Variants in SLC25A21 observed in about 807,000 individuals in gnomAD.
SLC25A21 encodes the protein solute carrier family 25 member 21.
SLC25A21 carries 47 observed loss-of-function variants against 43.8 expected under a neutral mutation model. That is an observed-to-expected ratio of 1.07 (90% CI 0.85 to 1.37). SLC25A21 has a LOEUF of 1.37. SLC25A21 is among the 40% of genes most tolerant of loss of function. The pLI is 0.00. For missense variants in SLC25A21, 352 were observed against 350.2 expected, an observed-to-expected ratio of 1.00 and a Z score of -0.04; for synonymous variants, 131 against 121.3, an observed-to-expected ratio of 1.08 and a Z score of -0.52.
At chr14:37,078,962 G>A (rs911884048) in intron 1 of SLC25A21, among the ~76,000 whole-genome samples, 2 of 152,004 alleles carry the variant, frequency 1.3e-5, no homozygotes, top group Non-Finnish European at 2.9e-5. Context: ...AAGTAAGCTA[G>A]AAATCAGTTC....
chr14:36,903,265 C>T (rs147530660), intron 1 of SLC25A21, among the ~76,000 whole-genome samples: 5 of 152,256 alleles, frequency 3.3e-5, no homozygotes, highest in East Asian at 1.9e-4. Flanking sequence ...TTTCATAGCT[C>T]GCCCAAGCAT....
intron 3 of SLC25A21, among the ~76,000 whole-genome samples, chr14:36,788,205 T>TA (rs1457128516): frequency 6.6e-6 from 1 of 152,150 alleles, no homozygotes; most frequent in African/African-American, 2.4e-5. Context: ...AGTAACCTGA[T>TA]AGACGACAAA....
intron 1 of SLC25A21, among the ~76,000 whole-genome samples, chr14:36,891,472 C>T (rs1328312011): frequency 6.6e-6 from 1 of 152,090 alleles, no homozygotes; most frequent in African/African-American, 2.4e-5. Flanking sequence ...TCTATTATAA[C>T]TCTGATTTCT....
chr14:36,815,738 C>T (rs1888432071), intron 2 of SLC25A21, among the ~76,000 whole-genome samples: 2 of 152,034 alleles, frequency 1.3e-5, no homozygotes, highest in South Asian at 4.2e-4. Flanking sequence ...AGGTTTATAA[C>T]AAGTACTCTC....
intron 3 of SLC25A21, among the ~76,000 whole-genome samples, chr14:36,736,242 G>A (rs369414853): frequency 6.6e-6 from 1 of 151,974 alleles, no homozygotes; most frequent in Non-Finnish European, 1.5e-5. Context: ...GCCTGCCCAC[G>A]ATTTTTGACT....
intron 3 of SLC25A21, among the ~76,000 whole-genome samples, chr14:36,771,479 A>G (rs985923900): frequency 4.6e-5 from 7 of 152,104 alleles, no homozygotes; most frequent in Non-Finnish European, 8.8e-5. Flanking sequence ...CAATAGCTTG[A>G]GTGGCAATGA....
chr14:36,972,328 C>T (rs118111050), intron 1 of SLC25A21, among the ~76,000 whole-genome samples: 2 of 152,208 alleles, frequency 1.3e-5, no homozygotes, highest in Non-Finnish European at 2.9e-5. Flanking sequence ...CATCATTAAG[C>T]GATTCATGAC....
intron 1 of SLC25A21, among the ~76,000 whole-genome samples, chr14:37,008,539 A>C (rs1347829218): frequency 6.6e-6 from 1 of 152,154 alleles, no homozygotes; most frequent in African/African-American, 2.4e-5. Context: ...ATAAATATTC[A>C]ATTAACAATA....
chr14:36,682,859 A>G (rs1240151710), intron 9 of SLC25A21, among the ~76,000 whole-genome samples: 2 of 152,182 alleles, frequency 1.3e-5, no homozygotes, highest in Non-Finnish European at 2.9e-5. Context: ...TGAAAGTGTG[A>G]GCTGTTCACC....
At chr14:36,961,712 G>A (rs1431393348) in intron 1 of SLC25A21, among the ~76,000 whole-genome samples, 2 of 152,098 alleles carry the variant, frequency 1.3e-5, no homozygotes, top group Non-Finnish European at 2.9e-5. Flanking sequence ...GAAGAGCAAG[G>A]GAAATATAGG....
At chr14:37,062,714 C>G (rs17106164) in intron 1 of SLC25A21, among the ~76,000 whole-genome samples, 1 of 151,942 alleles carries the variant, frequency 6.6e-6, no homozygotes, top group African/African-American at 2.4e-5. Context: ...GGGAGTGACC[C>G]TTGGGAAATA....
intron 1 of SLC25A21, among the ~76,000 whole-genome samples, chr14:37,122,023 T>C (rs1373901936): frequency 6.6e-6 from 1 of 152,170 alleles, no homozygotes; most frequent in Non-Finnish European, 1.5e-5. Context: ...TATAACATTT[T>C]TATTTCTTGA....
chr14:36,848,561 T>C (rs1348358973), intron 2 of SLC25A21, among the ~76,000 whole-genome samples: 1 of 152,054 alleles, frequency 6.6e-6, no homozygotes, highest in African/African-American at 2.4e-5. Flanking sequence ...TTCCCCAAAA[T>C]GGAGTTTGGC....
At chr14:36,940,351 AT>A (rs780945839) in intron 1 of SLC25A21, among the ~76,000 whole-genome samples, 4 of 152,104 alleles carry the variant, frequency 2.6e-5, no homozygotes, top group Non-Finnish European at 4.4e-5. Context: ...ATTTAAAAAA[AT>A]ATACTACTCT....
intron 1 of SLC25A21, among the ~76,000 whole-genome samples, chr14:37,160,479 T>G (rs558310776): frequency 6.6e-6 from 1 of 152,188 alleles, no homozygotes; most frequent in South Asian, 2.1e-4. Flanking sequence ...AAAAGACAAA[T>G]ATTGCATGTT....
chr14:36,986,167 A>C (rs756571389), intron 1 of SLC25A21, among the ~76,000 whole-genome samples: 2 of 152,188 alleles, frequency 1.3e-5, no homozygotes, highest in African/African-American at 2.4e-5. Flanking sequence ...AAACATATGC[A>C]TCATATATAC....
intron 1 of SLC25A21, among the ~76,000 whole-genome samples, chr14:36,895,590 T>C (rs1363914704): frequency 1.3e-5 from 2 of 152,228 alleles, no homozygotes; most frequent in African/African-American, 4.8e-5. Context: ...AGCTTTTGAA[T>C]GTGTTTGCTC....
chr14:36,770,413 G>C (rs927052123), intron 3 of SLC25A21, among the ~76,000 whole-genome samples: 22 of 152,084 alleles, frequency 1.4e-4, no homozygotes, highest in African/African-American at 5.3e-4. Context: ...AAAACTGTTG[G>C]ATAATATGCT....
intron 2 of SLC25A21, among the ~76,000 whole-genome samples, chr14:36,823,671 T>C (rs968270155): frequency 9.9e-5 from 15 of 152,152 alleles, no homozygotes; most frequent in African/African-American, 3.6e-4. Context: ...CAATCAACTA[T>C]TAAAATTACA....
Sources: allele counts gnomAD v4.1 joint callset (sites outside exome capture counted in the v4.1 genomes callset), GRCh38; gene constraint gnomAD v4.1.1; transcripts MANE v1.5; gene names NCBI Gene and HGNC (gene_info 2026-07-23, HGNC 2026-07-21).